Variants in SMC5 observed in about 807,000 individuals in gnomAD.
SMC5 encodes the protein structural maintenance of chromosomes 5, also known as structural maintenance of chromosomes protein 5.
Under a neutral mutation model 148.3 loss-of-function variants are expected in SMC5, and 88 were observed. That is an observed-to-expected ratio of 0.59 (90% CI 0.50 to 0.71). The LOEUF is 0.71. SMC5 is among the 30% of genes least tolerant of loss of function. The pLI is 0.00. For synonymous variants in SMC5, 421 were observed against 432.8 expected (o/e 0.97, Z 0.34); for missense variants, 1,142 against 1,298.9 (o/e 0.88, Z 1.86).
At chr9:70,338,069 C>T (rs949284905) in intron 17 of SMC5, among the ~76,000 whole-genome samples, 3 of 152,036 alleles carry the variant, frequency 2.0e-5, no homozygotes, top group African/African-American at 7.2e-5. Context: ...GGCTGAAGTG[C>T]GGTGGCATGG....
rs188242201 is a variant in SMC5, at chr9:70,331,979, A to C, written c.2397+7836A>C. On this transcript the variant is annotated intron_variant, in intron 17 of 24. Coordinates refer to ENST00000361138, the MANE Select transcript of SMC5 (RefSeq NM_015110.4). ...AATGCACGTAGCATGACAGAATAACACTACAGATCCTATAGACATTAAAGG... is the reference window on the plus strand; with the variant it reads ...AATGCACGTAGCATGACAGAATAACCCTACAGATCCTATAGACATTAAAGG... Among the ~76,000 whole-genome samples the C allele has an allele frequency of 2.9e-4, 44 of 152,240 alleles. 1 individual carries two copies. In the East Asian group the frequency reaches 7.9e-3, roughly 27 times the overall value.
At chr9:70,351,154 C>T (rs2036793880) in intron 24 of SMC5, among the ~76,000 whole-genome samples, 1 of 151,966 alleles carries the variant, frequency 6.6e-6, no homozygotes, top group African/African-American at 2.4e-5. Context: ...GAGTTCAAGA[C>T]CAGCCTGGGC....
intron 3 of SMC5, among the ~76,000 whole-genome samples, chr9:70,274,541 T>C (rs886210995): frequency 2.6e-5 from 4 of 152,052 alleles, no homozygotes; most frequent in Non-Finnish European, 5.9e-5. Context: ...TCTTTTGTTA[T>C]CTCATTTAAA....
At chr9:70,344,723 A>G (rs1420381430) in intron 18 of SMC5, 1 of 152,228 alleles carries the variant, frequency 6.6e-6, no homozygotes, top group South Asian at 2.1e-4. Context: ...TTTTATCCTG[A>G]CATACCACTC....
chr9:70,276,892 A>G (rs1407924212), intron 3 of SMC5, among the ~76,000 whole-genome samples: 1 of 152,110 alleles, frequency 6.6e-6, no homozygotes, highest in Non-Finnish European at 1.5e-5. Flanking sequence ...GTTTTCATTC[A>G]TATGTTTTCT....
Position 70,277,384 on chromosome 9 carries a change from A to T in SMC5, c.455A>T (p.Asn152Ile). 6.2e-7 allele frequency: 1 copy of T among 1,606,052 alleles called. No homozygotes were observed. Among genetic ancestry groups the T allele is most frequent in the Non-Finnish European group, 8.5e-7 (1 of 1,176,084 alleles). ...AAAAATCAGTCCTTTTGGTTCATCA[A>T]CAAAAAATCTACAACCCAGAAAATA... ...VAKNQSFWFINKKSTTQKIVE... is the reference protein window; with the variant it reads ...VAKNQSFWFIIKKSTTQKIVE... The change falls in exon 4 of 25, where the codon AAC becomes ATC. Residue 152 changes from asparagine to isoleucine, a missense_variant. Transcript: ENST00000361138.
chr9:70,324,754 C>A (rs1168954021), intron 17 of SMC5, among the ~76,000 whole-genome samples: 6 of 152,016 alleles, frequency 3.9e-5, no homozygotes. Context: ...TTCCTATGAC[C>A]CCCACTCAGG....
intron 11 of SMC5, among the ~76,000 whole-genome samples, chr9:70,308,100 T>C (rs532756297): frequency 4.1e-4 from 62 of 152,280 alleles, no homozygotes; most frequent in African/African-American, 1.5e-3. Context: ...TGTCTGTATT[T>C]ATTTCCATAT....
chr9:70,322,100 TG>T (rs1369673208), intron 15 of SMC5, among the ~76,000 whole-genome samples: 3 of 152,268 alleles, frequency 2.0e-5, no homozygotes, highest in African/African-American at 7.2e-5. Flanking sequence ...TTGTTGTTTA[TG>T]TTTTTTTAAA....
At chr9:70,270,708 G>A (rs1327416071) in intron 3 of SMC5, among the ~76,000 whole-genome samples, 4 of 145,072 alleles carry the variant, frequency 2.8e-5, no homozygotes, top group Non-Finnish European at 5.9e-5. Flanking sequence ...GTGCAGTGGT[G>A]CAATCTCGGC....
intron 6 of SMC5, among the ~76,000 whole-genome samples, chr9:70,281,810 G>C (rs1049505672): frequency 6.6e-6 from 1 of 151,080 alleles, no homozygotes; most frequent in African/African-American, 2.4e-5. Flanking sequence ...TTTGTCTTTT[G>C]ATTTTCCTTA....
chr9:70,269,075 T>C (rs1182972018), intron 3 of SMC5, among the ~76,000 whole-genome samples: 1 of 152,216 alleles, frequency 6.6e-6, no homozygotes, highest in African/African-American at 2.4e-5. Context: ...GCCCTACTAT[T>C]TGATATGAGA....
chr9:70,260,692 C>T (rs911875438), intron 1 of SMC5, among the ~76,000 whole-genome samples: 1 of 152,126 alleles, frequency 6.6e-6, no homozygotes, highest in Non-Finnish European at 1.5e-5. Flanking sequence ...TATCAGGATC[C>T]TTCACAAAGG....
At chr9:70,300,520 A>G (rs1564042547) in intron 10 of SMC5, among the ~76,000 whole-genome samples, 1 of 152,082 alleles carries the variant, frequency 6.6e-6, no homozygotes, top group East Asian at 1.9e-4. Flanking sequence ...TTAGATTAAA[A>G]CCCTGCTGAA....
intron 7 of SMC5, among the ~76,000 whole-genome samples, chr9:70,283,859 A>G (rs1014875905): frequency 1.3e-5 from 2 of 152,176 alleles, no homozygotes; most frequent in Non-Finnish European, 2.9e-5. Context: ...ATTCTTGTGA[A>G]TATGCTACTC....
chr9:70,261,659 G>A (rs1018740072), intron 1 of SMC5, among the ~76,000 whole-genome samples: 1 of 152,182 alleles, frequency 6.6e-6, no homozygotes, highest in African/African-American at 2.4e-5. Context: ...GCATACAGGT[G>A]ATTGATGAAG....
intron 8 of SMC5, among the ~76,000 whole-genome samples, chr9:70,295,892 A>G (rs1392775228): frequency 2.0e-5 from 3 of 152,044 alleles, no homozygotes; most frequent in Non-Finnish European, 4.4e-5. Context: ...TTAATTATAT[A>G]TTGTCATCTG....
rs1564077416 is a variant in SMC5 at position 70,352,181 on chromosome 9, A to T, written c.3166-10A>T. On this transcript the variant is annotated splice_polypyrimidine_tract_variant and intron_variant, in intron 24 of 24. Coordinates refer to ENST00000361138, the MANE Select transcript of SMC5 (RefSeq NM_015110.4). ...ATAGCTTATATGACAATTTGTTTTA[A>T]TACTTACAGCTCCTGCAAAATCTTC... 2 of 1,601,968 alleles carry T rather than the reference A, an allele frequency of 1.2e-6. No homozygotes were observed.
rs767185231 is a variant in SMC5, at chr9:70,324,164, T to C, written c.2397+21T>C. The C allele has an allele frequency of 1.5e-5, 23 of 1,579,708 alleles. No homozygotes were observed. In the South Asian group the frequency reaches 2.5e-4, roughly 17 times the overall value. ...CAGAGGTAAAATTTTTGCCTTTACT[T>C]TTTATTTTGAGGTTCTAACCTCAGA... On this transcript the variant is annotated intron_variant, in intron 17 of 24. Coordinates refer to ENST00000361138, the MANE Select transcript of SMC5 (RefSeq NM_015110.4).
Sources: allele counts gnomAD v4.1 joint callset (sites outside exome capture counted in the v4.1 genomes callset), GRCh38; gene constraint gnomAD v4.1.1; transcripts MANE v1.5; gene names NCBI Gene and HGNC (gene_info 2026-07-23, HGNC 2026-07-21).